Variants in COLQ observed in about 807,000 individuals in gnomAD.
The protein encoded by COLQ is collagen like tail subunit of asymmetric acetylcholinesterase, also known as acetylcholinesterase collagenic tail peptide.
Under a neutral mutation model 69.0 loss-of-function variants are expected in COLQ, and 48 were observed. That is an observed-to-expected ratio of 0.70 (90% CI 0.55 to 0.88). The LOEUF (loss-of-function observed/expected upper bound fraction) is 0.88, where lower values mean the gene tolerates loss of function less well. Ranked by LOEUF, COLQ falls within the 40% of genes least tolerant of loss-of-function variation. The probability of loss-of-function intolerance (pLI) is 0.00; values close to 1 mark genes in which losing one functional copy is unlikely to be tolerated. For synonymous variants in COLQ, 217 were observed against 211.2 expected (o/e 1.03, Z -0.24); for missense variants, 618 against 594.6 (o/e 1.04, Z -0.41).
At chr3:15,465,608 ATCTTT>A in intron 12 of COLQ, among the ~76,000 whole-genome samples, 1 of 104,996 alleles carries the variant, frequency 9.5e-6, no homozygotes, top group Middle Eastern at 8.1e-3. Context: ...TTCTTTCTAC[ATCTTT>A]TTTTTTTTTT....
At chr3:15,496,528 G>A (rs1417907474) in intron 1 of COLQ, among the ~76,000 whole-genome samples, 4 of 152,172 alleles carry the variant, frequency 2.6e-5, no homozygotes, top group Non-Finnish European at 4.4e-5. Flanking sequence ...GAAAAGCCCC[G>A]GAAGGCTCTG....
At chr3:15,467,820 C>A (rs878945) in intron 11 of COLQ, 3 of 455,238 alleles carry the variant, frequency 6.6e-6, no homozygotes, top group Admixed American at 4.7e-5. Context: ...CTTGGGACTC[C>A]TTTCCAGCCA....
rs1384047800 is a variant in COLQ, at chr3:15,513,954, A to G, written c.106+7566T>C. Reference sequence around the variant, plus strand: ...TGGGTGGCCCCTAAATACAACCACAAGGGTCATTATAAGAGACAGGCAGAG... The same window carrying G: ...TGGGTGGCCCCTAAATACAACCACAGGGGTCATTATAAGAGACAGGCAGAG... On this transcript the variant is annotated intron_variant, in intron 1 of 16. Transcript: ENST00000383788. 3.3e-5 allele frequency among the ~76,000 whole-genome samples: 5 copies of G among 152,232 alleles called. No homozygotes were observed. In the East Asian group the frequency reaches 7.7e-4, roughly 23 times the overall value.
At chr3:15,463,311 TTTGG>T (rs2062149526) in intron 12 of COLQ, among the ~76,000 whole-genome samples, 1 of 151,428 alleles carries the variant, frequency 6.6e-6, no homozygotes, top group Non-Finnish European at 1.5e-5. Flanking sequence ...TTTTTTTGGT[TTTGG>T]TTTTGTTTTT....
intron 1 of COLQ, among the ~76,000 whole-genome samples, chr3:15,513,697 G>A (rs2125184117): frequency 6.6e-6 from 1 of 152,256 alleles, no homozygotes; most frequent in Admixed American, 6.5e-5. Context: ...TTCTGAGAAG[G>A]AACCCAAATG....
chr3:15,472,928 C>T (rs1465505375), intron 10 of COLQ, among the ~76,000 whole-genome samples: 6 of 147,602 alleles, frequency 4.1e-5, no homozygotes, highest in South Asian at 2.2e-4. Flanking sequence ...GGCATAATCT[C>T]GGCTCACTGC....
At chr3:15,500,846 A>G (rs981098226) in intron 1 of COLQ, among the ~76,000 whole-genome samples, 1 of 152,192 alleles carries the variant, frequency 6.6e-6, no homozygotes, top group African/African-American at 2.4e-5. Context: ...CCAGCCTGGG[A>G]TTAAGAGCCC....
intron 10 of COLQ, among the ~76,000 whole-genome samples, chr3:15,471,092 G>A (rs1416853622): frequency 6.6e-6 from 1 of 152,202 alleles, no homozygotes; most frequent in East Asian, 1.9e-4. Flanking sequence ...TGTTTTGCCA[G>A]CTGTCATCTT....
chr3:15,463,309 G>T (rs945436573), intron 12 of COLQ, among the ~76,000 whole-genome samples: 8 of 150,760 alleles, frequency 5.3e-5, no homozygotes, highest in Non-Finnish European at 7.4e-5. Context: ...GTTTTTTTTG[G>T]TTTTGGTTTT....
intron 3 of COLQ, among the ~76,000 whole-genome samples, chr3:15,481,696 G>A (rs112979725): frequency 0.013 from 1,928 of 152,294 alleles, 45 homozygotes; most frequent in African/African-American, 0.044. Flanking sequence ...TGGCAATGTG[G>A]TCTCTTTTTT....
intron 4 of COLQ, 106 bp from the exon 5 acceptor site, chr3:15,479,109 G>T: frequency 7.1e-7 from 1 of 1,409,210 alleles, no homozygotes; most frequent in Non-Finnish European, 1.0e-6. Context: ...TGGCTCAGTT[G>T]CTTGGCTGCT....
At chr3:15,476,381 G>C (rs1031370220) in intron 6 of COLQ, among the ~76,000 whole-genome samples, 1 of 152,176 alleles carries the variant, frequency 6.6e-6, no homozygotes, top group Non-Finnish European at 1.5e-5. Flanking sequence ...AACATTCCAC[G>C]GGCTTGAGGG....
At chr3:15,511,626 C>T (rs1019985707) in intron 1 of COLQ, among the ~76,000 whole-genome samples, 23 of 152,196 alleles carry the variant, frequency 1.5e-4, no homozygotes, top group Admixed American at 3.9e-4. Context: ...CATGATGGTT[C>T]CCTACCATGA....
chr3:15,466,194 T>C (rs2062196698), intron 12 of COLQ, 147 bp downstream of exon 12: 1 of 629,790 alleles, frequency 1.6e-6, no homozygotes, highest in Admixed American at 2.9e-5. Context: ...ATGAGCTAAA[T>C]CGTGGAGAAA....
chr3:15,470,490 C>A, intron 11 of COLQ, 46 bp downstream of exon 11: 1 of 1,571,610 alleles, frequency 6.4e-7, no homozygotes, highest in Non-Finnish European at 8.8e-7. Flanking sequence ...ACTGCCAGGT[C>A]AGGAAGTTCT....
chr3:15,503,230 C>A (rs577608059), intron 1 of COLQ, among the ~76,000 whole-genome samples: 1 of 152,322 alleles, frequency 6.6e-6, no homozygotes, highest in South Asian at 2.1e-4. Flanking sequence ...CATCAGAGGA[C>A]CTTCTCTGAG....
At chr3:15,489,115 T>C (rs1214888307) in intron 2 of COLQ, among the ~76,000 whole-genome samples, 2 of 152,186 alleles carry the variant, frequency 1.3e-5, no homozygotes, top group African/African-American at 2.4e-5. Context: ...AGTCACCTCA[T>C]GGAAACGGTC....
intron 1 of COLQ, among the ~76,000 whole-genome samples, chr3:15,506,040 A>G (rs2062907039): frequency 6.6e-6 from 1 of 152,224 alleles, no homozygotes; most frequent in South Asian, 2.1e-4. Flanking sequence ...CCACTGGCAC[A>G]GACTGGCTTC....
chr3:15,515,488 A>C (rs1424398521), intron 1 of COLQ, among the ~76,000 whole-genome samples: 1 of 152,172 alleles, frequency 6.6e-6, no homozygotes, highest in African/African-American at 2.4e-5. Context: ...GGAGAAATAC[A>C]AGTGGTACTT....
Sources: gnomAD v4.1 joint callset for allele counts (sites outside exome capture counted in the v4.1 genomes callset) on GRCh38, gnomAD v4.1.1 for gene constraint, MANE v1.5 for transcripts, NCBI Gene and HGNC (gene_info 2026-07-23, HGNC 2026-07-21) for gene names.